Variants in PCDH15 observed in about 807,000 individuals in gnomAD.
PCDH15 encodes protocadherin-15.
A neutral mutation model predicts 178.5 loss-of-function variants in PCDH15; 129 were observed. That is an observed-to-expected ratio of 0.72 (90% CI 0.63 to 0.84). PCDH15 has a LOEUF of 0.84. Among genes scored for constraint, PCDH15 ranks in the 40% least tolerant of loss-of-function variants. The pLI is 0.00. For synonymous variants in PCDH15, 800 were observed against 732.0 expected (o/e 1.09, Z -1.50); for missense variants, 2,230 against 2,099.9 (o/e 1.06, Z -1.21).
chr10:54,991,737 T>C (rs1839506653), intron 2 of PCDH15, among the ~76,000 whole-genome samples: 1 of 152,168 alleles, frequency 6.6e-6, no homozygotes, highest in African/African-American at 2.4e-5. Flanking sequence ...TGAGGAGATA[T>C]TTAAAATCAC....
chr10:54,247,877 A>G (rs925789018), intron 8 of PCDH15, among the ~76,000 whole-genome samples: 2 of 148,060 alleles, frequency 1.4e-5, no homozygotes, highest in African/African-American at 5.0e-5. Context: ...CAAAAAAAAA[A>G]AGAAATATGT....
intron 1 of PCDH15, among the ~76,000 whole-genome samples, chr10:55,293,078 T>C (rs926921739): frequency 1.3e-5 from 2 of 152,114 alleles, no homozygotes; most frequent in African/African-American, 4.8e-5. Flanking sequence ...TTTCCATACA[T>C]CCTCTGAAGT....
At chr10:54,719,841 T>G (rs1189355924) in intron 1 of PCDH15, among the ~76,000 whole-genome samples, 1 of 151,144 alleles carries the variant, frequency 6.6e-6, no homozygotes, top group Non-Finnish European at 1.5e-5. Context: ...TCCATGTTCC[T>G]CCAAATGACA....
At chr10:55,137,838 C>A (rs904762454) in intron 2 of PCDH15, among the ~76,000 whole-genome samples, 1 of 151,936 alleles carries the variant, frequency 6.6e-6, no homozygotes, top group East Asian at 1.9e-4. Flanking sequence ...AAAAGAGCAG[C>A]CTTTAGTCCT....
At chr10:53,821,051 A>G in intron 32 of PCDH15, 1 of 930,222 alleles carries the variant, frequency 1.1e-6, no homozygotes, top group Non-Finnish European at 1.3e-6. Context: ...ACAAAATTAA[A>G]CAGCACTTTT....
chr10:54,954,579 C>T (rs1486477423), intron 2 of PCDH15, among the ~76,000 whole-genome samples: 3 of 151,140 alleles, frequency 2.0e-5, no homozygotes, highest in African/African-American at 7.3e-5. Context: ...ACAGTTATTC[C>T]AACAAAACAC....
chr10:55,055,940 A>C (rs1244052515), intron 2 of PCDH15, among the ~76,000 whole-genome samples: 2 of 152,196 alleles, frequency 1.3e-5, no homozygotes, highest in African/African-American at 2.4e-5. Flanking sequence ...CTTAAAGATA[A>C]GGAAAATAGT....
intron 8 of PCDH15, among the ~76,000 whole-genome samples, chr10:54,298,340 C>T (rs772030819): frequency 1.3e-5 from 2 of 152,266 alleles, no homozygotes; most frequent in East Asian, 1.9e-4. Context: ...ACCTGGCAAC[C>T]TTGGTGTTCT....
At chr10:55,205,047 G>T (rs555025712) in intron 1 of PCDH15, among the ~76,000 whole-genome samples, 4 of 152,004 alleles carry the variant, frequency 2.6e-5, no homozygotes, top group Non-Finnish European at 5.9e-5. Flanking sequence ...GAATAAACAG[G>T]CTCCTCAGAT....
chr10:54,284,126 T>C lies in PCDH15; in HGVS notation c.876+33145A>G, dbSNP rs146358742. Among the ~76,000 whole-genome samples the C allele has an allele frequency of 4.2e-3, 642 of 152,288 alleles. 7 individuals carry two copies. Among genetic ancestry groups the C allele is most frequent in the African/African-American group, 0.013 (530 of 41,568 alleles). On this transcript the variant is annotated intron_variant, in intron 8 of 37. Transcript: ENST00000644397. ...CTGGAATTACAGTCATGAGCCATGG[T>C]GCCCGGCCTAATAAATGATTTTCAA...
chr10:54,280,034 T>C (rs906674669), intron 8 of PCDH15, among the ~76,000 whole-genome samples: 1 of 151,670 alleles, frequency 6.6e-6, no homozygotes, highest in South Asian at 2.1e-4. Context: ...TCATACCATA[T>C]ATTACACATT....
chr10:55,580,586 C>T (rs942514931), intron 2 of PCDH15, among the ~76,000 whole-genome samples: 75 of 151,982 alleles, frequency 4.9e-4, no homozygotes, highest in African/African-American at 1.7e-3. Flanking sequence ...TGGTCTCAAA[C>T]GCCTGACCTC....
chr10:55,621,083 A>G (rs1228044983), intron 2 of PCDH15, among the ~76,000 whole-genome samples: 1 of 152,024 alleles, frequency 6.6e-6, no homozygotes, highest in African/African-American at 2.4e-5. Context: ...TGATTCATCA[A>G]ATTATTAATC....
intron 2 of PCDH15, among the ~76,000 whole-genome samples, chr10:55,339,354 T>C (rs1255028633): frequency 2.0e-5 from 3 of 152,096 alleles, no homozygotes; most frequent in Non-Finnish European, 4.4e-5. Flanking sequence ...AGTAACCTGC[T>C]GTCGGACCAA....
intron 13 of PCDH15, among the ~76,000 whole-genome samples, chr10:54,171,592 A>T (rs949233974): frequency 9.2e-5 from 14 of 151,994 alleles, no homozygotes; most frequent in South Asian, 2.1e-4. Flanking sequence ...TGTTTTTCCA[A>T]GCCATCACAG....
At chr10:53,957,609 A>G (rs1284679948) in intron 23 of PCDH15, among the ~76,000 whole-genome samples, 1 of 151,946 alleles carries the variant, frequency 6.6e-6, no homozygotes, top group Admixed American at 6.6e-5. Flanking sequence ...GTGACACAGG[A>G]CAGCACAAGA....
chr10:54,136,730 CAA>C (rs924490607), intron 14 of PCDH15, among the ~76,000 whole-genome samples: 14 of 152,132 alleles, frequency 9.2e-5, no homozygotes, highest in African/African-American at 3.4e-4. Flanking sequence ...AATGCTGAAA[CAA>C]AGAGGACTCT....
intron 16 of PCDH15, among the ~76,000 whole-genome samples, chr10:54,084,399 G>A (rs1316701032): frequency 6.6e-6 from 1 of 151,804 alleles, no homozygotes. Flanking sequence ...CTTGAACCCA[G>A]GAGGCGGAGG....
chr10:55,280,123 T>C (rs1206303216), intron 1 of PCDH15, among the ~76,000 whole-genome samples: 1 of 152,002 alleles, frequency 6.6e-6, no homozygotes, highest in Non-Finnish European at 1.5e-5. Context: ...ATGCAGCCCA[T>C]TTGGCAAATT....
Sources: allele counts gnomAD v4.1 joint callset (sites outside exome capture counted in the v4.1 genomes callset), GRCh38; gene constraint gnomAD v4.1.1; transcripts MANE v1.5; gene names NCBI Gene and HGNC (gene_info 2026-07-23, HGNC 2026-07-21).